The following MARCHF1 variants were observed in gnomAD, a reference collection of about 807,000 sequenced individuals.
MARCHF1 encodes the protein E3 ubiquitin-protein ligase MARCHF1.
Under a neutral mutation model 54.2 loss-of-function variants are expected in MARCHF1, and 40 were observed. That is an observed-to-expected ratio of 0.74 (90% confidence interval 0.57 to 0.96). MARCHF1 has a LOEUF of 0.96. Ranked by LOEUF, MARCHF1 falls within the 40% of genes least tolerant of loss-of-function variation. The pLI, the probability that MARCHF1 is intolerant of heterozygous loss-of-function variation, is 0.00. For synonymous variants in MARCHF1, 236 were observed against 236.3 expected, an observed-to-expected ratio of 1.00 and a Z score of 0.01; for missense variants, 586 against 656.5, an observed-to-expected ratio of 0.89 and a Z score of 1.17.
intron 4 of MARCHF1, among the ~76,000 whole-genome samples, chr4:163,824,459 C>G (rs1043695363): frequency 2.8e-5 from 4 of 144,876 alleles, no homozygotes; most frequent in African/African-American, 1.0e-4. Flanking sequence ...GAAACTGGAT[C>G]CCTTCCTTAC....
At chr4:164,285,228 A>G (rs1273533048) in intron 1 of MARCHF1, among the ~76,000 whole-genome samples, 1 of 151,960 alleles carries the variant, frequency 6.6e-6, no homozygotes, top group Non-Finnish European at 1.5e-5. Context: ...TTAAATTACA[A>G]TTTACTACTG....
intron 4 of MARCHF1, among the ~76,000 whole-genome samples, chr4:163,725,481 A>C (rs1745623295): frequency 6.6e-6 from 1 of 151,766 alleles, no homozygotes; most frequent in Non-Finnish European, 1.5e-5. Context: ...CTATCTCCAA[A>C]AAAAAAAAAG....
At chr4:163,541,682 A>G (rs1338418848) in intron 9 of MARCHF1, among the ~76,000 whole-genome samples, 1 of 152,140 alleles carries the variant, frequency 6.6e-6, no homozygotes, top group Non-Finnish European at 1.5e-5. Flanking sequence ...TTTTATATTC[A>G]ACCTCAATTC....
intron 5 of MARCHF1, among the ~76,000 whole-genome samples, chr4:163,638,022 C>G (rs1015951677): frequency 6.9e-6 from 1 of 145,416 alleles, no homozygotes; most frequent in South Asian, 2.2e-4. Flanking sequence ...TTTTCTCACT[C>G]ATAGGTGGGA....
chr4:164,318,970 T>C (rs1283775514), intron 1 of MARCHF1, among the ~76,000 whole-genome samples: 1 of 152,202 alleles, frequency 6.6e-6, no homozygotes, highest in African/African-American at 2.4e-5. Context: ...ACTTATCTGC[T>C]TGACATTATA....
chr4:164,049,790 T>G (rs1257591754), intron 2 of MARCHF1, among the ~76,000 whole-genome samples: 2 of 152,180 alleles, frequency 1.3e-5, no homozygotes, highest in South Asian at 4.1e-4. Flanking sequence ...AGAAACCTAC[T>G]GAAATTACAG....
Position 163,628,415 on chromosome 4 carries a change from T to A in MARCHF1, c.163-15022A>T, listed in dbSNP as rs1373993485. Among the ~76,000 whole-genome samples the A allele has an allele frequency of 2.0e-5, 3 of 152,210 alleles. No homozygotes were observed. In the East Asian group the frequency reaches 5.8e-4, roughly 29 times the overall value. ...ACGTATCTCAAAATAATAAGGGCTA[T>A]TTATGACAAACCCACAGCCAGTATC... On this transcript the variant is annotated intron_variant, in intron 5 of 9. Transcript: ENST00000514618.
chr4:163,879,003 G>A (rs1020932842), intron 3 of MARCHF1, among the ~76,000 whole-genome samples: 10 of 152,096 alleles, frequency 6.6e-5, no homozygotes, highest in African/African-American at 2.4e-4. Context: ...CTAGCAAAGG[G>A]CAACCAGCTC....
chr4:163,978,035 G>A (rs1752683082), intron 3 of MARCHF1, among the ~76,000 whole-genome samples: 1 of 152,050 alleles, frequency 6.6e-6, no homozygotes, highest in Admixed American at 6.6e-5. Context: ...TAGCATAAAG[G>A]TTAGCATGTA....
intron 8 of MARCHF1, among the ~76,000 whole-genome samples, chr4:163,576,483 G>A (rs58327540): frequency 0.27 from 40,565 of 151,974 alleles, 6,625 homozygotes; most frequent in Middle Eastern, 0.37. Flanking sequence ...CTTAGAGTAT[G>A]TTCTGTGTGT....
chr4:163,596,518 C>T (rs936137291), intron 7 of MARCHF1, among the ~76,000 whole-genome samples: 4 of 125,040 alleles, frequency 3.2e-5, no homozygotes, highest in Admixed American at 9.8e-5. Flanking sequence ...CCAGCCTGGG[C>T]GACAGTGTGA....
intron 1 of MARCHF1, among the ~76,000 whole-genome samples, chr4:164,270,367 C>T (rs912313988): frequency 1.3e-5 from 2 of 152,172 alleles, no homozygotes; most frequent in Non-Finnish European, 2.9e-5. Context: ...CTCCCAATTC[C>T]CCACCTACTT....
chr4:164,368,548 C>CA (rs1255451894), intron 1 of MARCHF1, among the ~76,000 whole-genome samples: 4 of 151,766 alleles, frequency 2.6e-5, no homozygotes, highest in Admixed American at 2.6e-4. Context: ...GACAACAACA[C>CA]AAAAAAGGAA....
chr4:164,170,302 C>T (rs1730488109), intron 1 of MARCHF1, among the ~76,000 whole-genome samples: 1 of 152,024 alleles, frequency 6.6e-6, no homozygotes, highest in Admixed American at 6.6e-5. Flanking sequence ...TTTCATGAAG[C>T]TTAACAGGTA....
chr4:163,959,657 A>C (rs1462438854), intron 3 of MARCHF1, among the ~76,000 whole-genome samples: 1 of 152,056 alleles, frequency 6.6e-6, no homozygotes, highest in Non-Finnish European at 1.5e-5. Context: ...TATATAAAAA[A>C]ATCAACTTAA....
intron 9 of MARCHF1, among the ~76,000 whole-genome samples, chr4:163,544,029 G>A (rs1738810497): frequency 6.6e-6 from 1 of 152,178 alleles, no homozygotes; most frequent in Admixed American, 6.5e-5. Context: ...TTGATTGCTA[G>A]GAAAACACTA....
At chr4:164,234,628 G>A (rs923868714) in intron 1 of MARCHF1, among the ~76,000 whole-genome samples, 3 of 152,022 alleles carry the variant, frequency 2.0e-5, no homozygotes, top group Admixed American at 1.3e-4. Flanking sequence ...ATTGACTTGG[G>A]ATCCTTTTTC....
chr4:163,801,021 A>G (rs555040750), intron 4 of MARCHF1, among the ~76,000 whole-genome samples: 1 of 152,274 alleles, frequency 6.6e-6, no homozygotes, highest in African/African-American at 2.4e-5. Flanking sequence ...ACTCATGGGA[A>G]GAACACCAAG....
chr4:163,921,038 T>C (rs1751418906), intron 3 of MARCHF1, among the ~76,000 whole-genome samples: 1 of 152,192 alleles, frequency 6.6e-6, no homozygotes, highest in African/African-American at 2.4e-5. Flanking sequence ...TATAGCAGGT[T>C]CAAATTGAAT....
Sources: gnomAD v4.1 joint callset for allele counts (sites outside exome capture counted in the v4.1 genomes callset) on GRCh38, gnomAD v4.1.1 for gene constraint, MANE v1.5 for transcripts, NCBI Gene and HGNC (gene_info 2026-07-23, HGNC 2026-07-21) for gene names.